Variants in TNRC18 observed in about 807,000 individuals in gnomAD.
TNRC18 encodes the protein trinucleotide repeat containing 18, also known as trinucleotide repeat-containing gene 18 protein.
A neutral mutation model predicts 226.7 loss-of-function variants in TNRC18; 69 were observed. The ratio of observed to expected loss-of-function variants is 0.30; its 90% CI spans 0.25 to 0.37. The LOEUF (loss-of-function observed/expected upper bound fraction) is 0.37. Among genes scored for constraint, TNRC18 ranks in the 10% least tolerant of loss-of-function variants. The pLI is 1.00. For synonymous variants in TNRC18, 2,449 were observed against 1,927.6 expected (o/e 1.27, Z -7.09); for missense variants, 4,754 against 4,256.6 (o/e 1.12, Z -3.25).
At chr7:5,419,982 AT>A (rs79807986) in intron 2 of TNRC18, 4,033 of 151,680 alleles carry the variant, frequency 0.027, 26 homozygotes, top group South Asian at 0.052. Context: ...CAGGAGGTGG[AT>A]TTTTTTTTTT....
intron 2 of TNRC18, among the ~76,000 whole-genome samples, chr7:5,400,479 G>A (rs191126959): frequency 2.6e-4 from 40 of 152,094 alleles, no homozygotes; most frequent in African/African-American, 8.9e-4. Flanking sequence ...GCATGGTGTC[G>A]TGTCCCTATA....
rs1259681607 is a variant in TNRC18, at chr7:5,307,868, C to A, written c.*238G>T. 2 of 564,478 alleles carry A rather than the reference C, an allele frequency of 3.5e-6. No individual in the cohort carries two copies. Among genetic ancestry groups the A allele is most frequent in the Non-Finnish European group, 6.4e-6 (2 of 313,726 alleles). The allele number at this position is 564,478 out of a possible 1,614,324, so 35.0% of individuals were successfully genotyped here. On this transcript the variant is annotated 3_prime_UTR_variant, in exon 30 of 30. Transcript: ENST00000430969. ...GCCATACCCTGATAGCTAAGAGGGGCCCCTGTCCTGGGGGCACTGAGGGGT... is the reference window on the plus strand; with the variant it reads ...GCCATACCCTGATAGCTAAGAGGGGACCCTGTCCTGGGGGCACTGAGGGGT...
chr7:5,362,460 A>T (rs1562550577), intron 12 of TNRC18, among the ~76,000 whole-genome samples, 190 bp downstream of exon 12: 1 of 152,148 alleles, frequency 6.6e-6, no homozygotes, highest in Non-Finnish European at 1.5e-5. Context: ...GCAGACAGGT[A>T]AACTGAGTCC....
intron 18 of TNRC18, among the ~76,000 whole-genome samples, chr7:5,339,118 C>T (rs951444526): frequency 2.6e-5 from 4 of 151,388 alleles, no homozygotes; most frequent in South Asian, 2.1e-4. Flanking sequence ...GGCAACAGAG[C>T]GAGACCTCTT....
At position 5,325,126 on chromosome 7, in the gene TNRC18, G is replaced by C; in HGVS notation, c.6270C>G (p.Ala2090=). ...SSLTAAKRSK[A]KAKGKEVKKE... ...TCTTCACCTCCTTCCCTTTGGCCTT[G>C]GCTTTGCTCCTTTTGGCAGCGGTCA... is the stretch of plus-strand genomic sequence containing the variant. Residue 2090 remains alanine, a synonymous_variant, in exon 20 of 30, where the codon GCC becomes GCG. Transcript: ENST00000430969. The C allele has an allele frequency of 1.9e-6, 3 of 1,550,632 alleles. No homozygotes were observed. Among genetic ancestry groups the C allele is most frequent in the East Asian group, 2.4e-5 (1 of 40,980 alleles).
At position 5,390,567 on chromosome 7, in the gene TNRC18, G is replaced by A; in HGVS notation, c.405C>T (p.Pro135=). 1 of 1,613,372 alleles carries A rather than the reference G, an allele frequency of 6.2e-7. No homozygotes were observed. The highest frequency in any genetic ancestry group is 8.5e-7 in the Non-Finnish European group (1 of 1,179,632). Residue 135 remains proline, a synonymous_variant, in exon 4 of 30, where the codon CCC becomes CCT. Transcript: ENST00000430969. Reference sequence around the variant, plus strand: ...TGAGGAGGGGGCTCCCACTGCTGGGGGGCTCCAGGTGGTTCAGGTGGAGGT... The same window carrying A: ...TGAGGAGGGGGCTCCCACTGCTGGGAGGCTCCAGGTGGTTCAGGTGGAGGT... The part of the protein sequence containing the change: ...PSYLHLNHLE[P]PSSGSPLLSQ...
intron 1 of TNRC18, among the ~76,000 whole-genome samples, chr7:5,421,955 C>A (rs563768187): frequency 6.6e-6 from 1 of 152,194 alleles, no homozygotes; most frequent in African/African-American, 2.4e-5. Flanking sequence ...AATATTTAAC[C>A]TTTTGGAGAC....
intron 14 of TNRC18, 33 bp from the exon 15 acceptor site, chr7:5,359,602 T>C (rs1792820722): frequency 6.2e-7 from 1 of 1,611,746 alleles, no homozygotes; most frequent in African/African-American, 1.3e-5. Flanking sequence ...GTCAGCACCC[T>C]GGCCAGACAA....
In TNRC18 at chr7:5,312,746, G is replaced by A. The variant is rs781731290; in HGVS notation, c.8145C>T (p.His2715=). The A allele has an allele frequency of 2.9e-5, 44 of 1,540,784 alleles. No homozygotes were observed. The highest frequency in any genetic ancestry group is 3.8e-5 in the South Asian group (3 of 78,640). ...GCGCGGGCGTCTTCTTGCCTGGGGA[G>A]TGGGCCGAGGGCCGCGCCTTGCCGG... ...KQAGKARPSA[H]SPGKKTPAPQ... is the part of the protein sequence containing the mutation. Residue 2715 remains histidine (H), a synonymous_variant, in exon 27 of 30, where the codon CAC becomes CAT. Coordinates refer to ENST00000430969, the MANE Select transcript of TNRC18 (RefSeq NM_001080495.3). The surrounding 1 kb of genome is among the most constrained non-coding windows in gnomAD (Gnocchi z 6.3).
intron 2 of TNRC18, among the ~76,000 whole-genome samples, chr7:5,408,051 CAA>C (rs965923224): frequency 2.6e-5 from 4 of 152,120 alleles, no homozygotes; most frequent in Non-Finnish European, 5.9e-5. Flanking sequence ...CAAAAAGGAA[CAA>C]AAGTGGCCGG....
At chr7:5,403,020 A>AGAGACTG in intron 2 of TNRC18, among the ~76,000 whole-genome samples, 1 of 152,146 alleles carries the variant, frequency 6.6e-6, no homozygotes, top group South Asian at 2.1e-4. Context: ...TTACAGATAA[A>AGAGACTG]GAGACTGAGG....
chr7:5,364,351 G>A (rs568660281), intron 11 of TNRC18, among the ~76,000 whole-genome samples: 2 of 151,940 alleles, frequency 1.3e-5, no homozygotes, highest in South Asian at 2.1e-4. Flanking sequence ...CCAGCTACTC[G>A]GGAGGCTGAG....
rs1174194957 is a variant in TNRC18, at chr7:5,388,186, G to A, written c.1638C>T (p.Ser546=). 3 of 1,587,508 alleles carry A rather than the reference G, an allele frequency of 1.9e-6. No homozygotes were observed. Among genetic ancestry groups the A allele is most frequent in the South Asian group, 1.1e-5 (1 of 87,778 alleles). Residue 546 remains serine (S), a synonymous_variant, in exon 5 of 30, where the codon TCC becomes TCT. Coordinates refer to ENST00000430969, the MANE Select transcript of TNRC18 (RefSeq NM_001080495.3). ...CAGGGTCCAGGTAGGCCTTCTTGGA[G>A]GAGGAGGCAGCGACCACGGCGGCCT... The part of the protein sequence containing the change: ...EEEAAVVAAS[S]SKKAYLDPGA...
At chr7:5,344,688 CG>C (rs989958117) in intron 18 of TNRC18, among the ~76,000 whole-genome samples, 2 of 152,008 alleles carry the variant, frequency 1.3e-5, no homozygotes, top group Non-Finnish European at 2.9e-5. Context: ...AAAAGGATGC[CG>C]GGGGGGTCAG....
chr7:5,345,517 G>GCCCACCCCCCCCCCCCCCC, intron 18 of TNRC18, 45 bp downstream of exon 18: 1 of 377,744 alleles, frequency 2.6e-6, no homozygotes, highest in Non-Finnish European at 4.8e-6. Context: ...AATGGCGTCC[G>GCCCACCCCCCCCCCCCCCC]CCCCTCCCAC....
At chr7:5,350,801 C>T (rs745872214) in intron 17 of TNRC18, among the ~76,000 whole-genome samples, 16 of 152,156 alleles carry the variant, frequency 1.1e-4, no homozygotes, top group Admixed American at 2.0e-4. Context: ...GCTGAGGACC[C>T]CGGGCTGGGA....
At chr7:5,348,476 C>A (rs965528997) in intron 17 of TNRC18, among the ~76,000 whole-genome samples, 6 of 152,304 alleles carry the variant, frequency 3.9e-5, no homozygotes, top group African/African-American at 1.2e-4. Flanking sequence ...GCCAACGCCC[C>A]AAGCCGCCTG....
At chr7:5,368,664 C>CAAA (rs534524701) in intron 11 of TNRC18, among the ~76,000 whole-genome samples, 8 of 82,544 alleles carry the variant, frequency 9.7e-5, no homozygotes, top group African/African-American at 3.5e-4. Context: ...GACTCTGTCT[C>CAAA]AAAAAAAAAA....
chr7:5,393,371 A>G (rs766433203), intron 3 of TNRC18, among the ~76,000 whole-genome samples: 4 of 152,216 alleles, frequency 2.6e-5, no homozygotes, highest in Non-Finnish European at 5.9e-5. Context: ...TCATCTGTAC[A>G]ATGGGCAAAG....
Sources: allele counts gnomAD v4.1 joint callset (sites outside exome capture counted in the v4.1 genomes callset), GRCh38; gene constraint gnomAD v4.1.1; non-coding constraint Gnocchi (gnomAD v3.1); transcripts MANE v1.5; gene names NCBI Gene and HGNC (gene_info 2026-07-23, HGNC 2026-07-21).